The following CCDC7 variants were observed in gnomAD, a reference collection of about 807,000 sequenced individuals.
CCDC7 encodes coiled-coil domain containing 7, also known as coiled-coil domain-containing protein 7.
Under a neutral mutation model 196.9 loss-of-function variants are expected in CCDC7, and 183 were observed. The ratio of observed to expected loss-of-function variants is 0.93; its 90% CI spans 0.82 to 1.05. The LOEUF (loss-of-function observed/expected upper bound fraction) is 1.05, where lower values mean the gene tolerates loss of function less well. Ranked by LOEUF, CCDC7 falls within the 50% of genes least tolerant of loss-of-function variation. The probability of loss-of-function intolerance (pLI) is 0.00; values close to 1 mark genes in which losing one functional copy is unlikely to be tolerated. For missense variants in CCDC7, 1,540 were observed against 1,482.2 expected (o/e 1.04, Z -0.64); for synonymous variants, 525 against 484.6 (o/e 1.08, Z -1.10).
chr10:32,748,145 A>T (rs2075103889), intron 28 of CCDC7, among the ~76,000 whole-genome samples: 1 of 152,202 alleles, frequency 6.6e-6, no homozygotes, highest in South Asian at 2.1e-4. Flanking sequence ...CTCACTTATA[A>T]GTGGGAGCTA....
intron 3 of CCDC7, among the ~76,000 whole-genome samples, chr10:32,457,036 A>T (rs1260572017): frequency 2.7e-5 from 4 of 148,528 alleles, no homozygotes; most frequent in African/African-American, 9.8e-5. Context: ...TATATATATA[A>T]TAAACCGTTG....
chr10:32,765,843 T>A (rs2484725), intron 28 of CCDC7, among the ~76,000 whole-genome samples: 52,057 of 151,984 alleles, frequency 0.34, 11,337 homozygotes, highest in Non-Finnish European at 0.49. Flanking sequence ...CCCTGGTAAC[T>A]GGCATGCAAA....
chr10:32,805,133 T>G, intron 30 of CCDC7, 35 bp downstream of exon 31: 1 of 1,458,752 alleles, frequency 6.9e-7, no homozygotes, highest in African/African-American at 1.4e-5. Context: ...TATTTCTCAT[T>G]TATTTTTCTC....
At chr10:32,845,768 T>TACACAC (rs145287806) in intron 35 of CCDC7, 108 bp from the exon 37 acceptor site, 37,835 of 746,186 alleles carry the variant, frequency 0.051, 368 homozygotes, top group East Asian at 0.2. Flanking sequence ...CTTCCATAAT[T>TACACAC]ACACACACAC....
intron 11 of CCDC7, among the ~76,000 whole-genome samples, chr10:32,539,811 A>G (rs1444535473): frequency 6.6e-6 from 1 of 151,952 alleles, no homozygotes; most frequent in Non-Finnish European, 1.5e-5. Flanking sequence ...TTTCCGCATA[A>G]TTGTATGGTT....
rs191215528 is a variant in CCDC7, at chr10:32,506,407, C to T, written c.873-11538C>T. 8.0e-3 allele frequency among the ~76,000 whole-genome samples: 1,210 copies of T among 151,516 alleles called. 7 individuals carry two copies. The highest frequency in any genetic ancestry group is 0.021 in the Middle Eastern group (6 of 292). ...GCAGAGGGGCTCCTCACATCCCAGA[C>T]GATGGGCAGCCAGGCAGAGACGCTG... On this transcript the variant is annotated intron_variant, in intron 9 of 41. Coordinates refer to ENST00000639629, the Ensembl canonical transcript of CCDC7.
intron 18 of CCDC7, among the ~76,000 whole-genome samples, chr10:32,587,872 G>T (rs1359893729): frequency 6.6e-6 from 1 of 152,106 alleles, no homozygotes; most frequent in Non-Finnish European, 1.5e-5. Context: ...ATTGGATATT[G>T]TTATGGTTTG....
intron 30 of CCDC7, among the ~76,000 whole-genome samples, chr10:32,809,957 A>G (rs117758532): frequency 0.015 from 2,319 of 152,292 alleles, 21 homozygotes; most frequent in Middle Eastern, 0.034. Context: ...TATTCACAAT[A>G]GCAAAAACTG....
intron 28 of CCDC7, among the ~76,000 whole-genome samples, chr10:32,762,855 ATAAACT>A (rs962343164): frequency 3.3e-5 from 5 of 151,944 alleles, no homozygotes; most frequent in Admixed American, 1.3e-4. Flanking sequence ...ATTCACAAAA[ATAAACT>A]TAAAATGGAT....
At chr10:32,769,871 A>G (rs898130441) in intron 28 of CCDC7, among the ~76,000 whole-genome samples, 2 of 152,114 alleles carry the variant, frequency 1.3e-5, no homozygotes, top group African/African-American at 4.8e-5. Flanking sequence ...TTCTTTATCC[A>G]GTCTATCATT....
chr10:32,717,427 T>A (rs959237203), intron 25 of CCDC7, among the ~76,000 whole-genome samples: 4 of 152,012 alleles, frequency 2.6e-5, no homozygotes, highest in Non-Finnish European at 5.9e-5. Flanking sequence ...CATGAGAAAG[T>A]GGGAAAGACC....
Position 32,846,997 on chromosome 10 carries a change from A to G in CCDC7, c.3688+538A>G, listed in dbSNP as rs2093325252. Among the ~76,000 whole-genome samples the G allele has an allele frequency of 2.6e-5, 4 of 152,148 alleles. No individual in the cohort carries two copies. The South Asian group carries it at 8.3e-4, about 32-fold the overall frequency. On this transcript the variant is annotated intron_variant, in intron 37 of 41. Transcript: ENST00000639629. Reference sequence around the variant, plus strand: ...TGTAAGGGTGTTATGTAGTTATACAATTTTCTTTATCTCTGGTGTGATACA... The same window carrying G: ...TGTAAGGGTGTTATGTAGTTATACAGTTTTCTTTATCTCTGGTGTGATACA...
chr10:32,567,517 A>G (rs12266925), intron 14 of CCDC7, among the ~76,000 whole-genome samples, 153 bp from the exon 16 acceptor site: 15,988 of 152,230 alleles, frequency 0.11, 1,040 homozygotes, highest in South Asian at 0.25. Flanking sequence ...TAAAGTATCA[A>G]TTATAGCAAT....
At chr10:32,683,481 T>G (rs530005152) in intron 21 of CCDC7, among the ~76,000 whole-genome samples, 10 of 152,354 alleles carry the variant, frequency 6.6e-5, no homozygotes, top group Non-Finnish European at 1.2e-4. Flanking sequence ...TTTGGGCTCT[T>G]TATTGCTCCA....
At chr10:32,813,970 C>A (rs985867817) in intron 30 of CCDC7, among the ~76,000 whole-genome samples, 23 of 150,924 alleles carry the variant, frequency 1.5e-4, no homozygotes, top group Non-Finnish European at 2.5e-4. Context: ...TTATTTTTTT[C>A]TTTTTTGCGA....
intron 18 of CCDC7, among the ~76,000 whole-genome samples, chr10:32,606,197 A>G (rs1288571101): frequency 6.6e-6 from 1 of 152,256 alleles, no homozygotes; most frequent in Non-Finnish European, 1.5e-5. Flanking sequence ...CATGGTGTTA[A>G]GCCTGTAGCT....
At chr10:32,752,315 A>G (rs1005603459) in intron 28 of CCDC7, among the ~76,000 whole-genome samples, 4 of 152,104 alleles carry the variant, frequency 2.6e-5, no homozygotes, top group African/African-American at 9.7e-5. Flanking sequence ...TTTATACACT[A>G]TCATCCTATT....
intron 20 of CCDC7, among the ~76,000 whole-genome samples, chr10:32,646,918 C>A (rs566853849): frequency 6.6e-6 from 1 of 152,270 alleles, no homozygotes; most frequent in Admixed American, 6.5e-5. Context: ...CGATCTCATT[C>A]TTTCTAATGG....
chr10:32,755,326 G>C (rs2076252478), intron 28 of CCDC7, among the ~76,000 whole-genome samples: 1 of 152,156 alleles, frequency 6.6e-6, no homozygotes, highest in Non-Finnish European at 1.5e-5. Flanking sequence ...TCCTCAAGTG[G>C]GTCCCTGATA....
Sources: gnomAD v4.1 joint callset for allele counts (sites outside exome capture counted in the v4.1 genomes callset) on GRCh38, gnomAD v4.1.1 for gene constraint, MANE v1.5 for transcripts, NCBI Gene and HGNC (gene_info 2026-07-23, HGNC 2026-07-21) for gene names.